The following AP3B1 variants were observed in gnomAD, a reference collection of about 807,000 sequenced individuals.
AP3B1 encodes the protein adaptor related protein complex 3 subunit beta 1, also known as AP-3 complex subunit beta-1.
In AP3B1, 61 loss-of-function variants were observed where a neutral mutation model predicts 132.5. The observed-to-expected ratio is 0.46, with a 90% CI of 0.37 to 0.57. The LOEUF (loss-of-function observed/expected upper bound fraction) is 0.57, where lower values mean the gene tolerates loss of function less well. Among genes scored for constraint, AP3B1 ranks in the 20% least tolerant of loss-of-function variants. AP3B1 has a pLI of 0.00. For missense variants in AP3B1, 1,120 were observed against 1,289.4 expected (o/e 0.87, Z 2.01); for synonymous variants, 388 against 438.3 (o/e 0.89, Z 1.43).
intron 7 of AP3B1, among the ~76,000 whole-genome samples, chr5:78,196,307 T>G (rs1404878748): frequency 1.3e-5 from 2 of 152,156 alleles, no homozygotes; most frequent in African/African-American, 2.4e-5. Flanking sequence ...AATTGCTAAC[T>G]AAAACCAATG....
chr5:78,171,130 A>G (rs1387682460), intron 11 of AP3B1, among the ~76,000 whole-genome samples: 1 of 152,158 alleles, frequency 6.6e-6, no homozygotes, highest in Non-Finnish European at 1.5e-5. Context: ...TGTTTTGGTT[A>G]CTGTAGCCTC....
At chr5:78,084,168 G>T (rs962126248) in intron 22 of AP3B1, among the ~76,000 whole-genome samples, 7 of 152,086 alleles carry the variant, frequency 4.6e-5, no homozygotes, top group African/African-American at 9.7e-5. Context: ...CAAGTGATTT[G>T]CTCAATATCA....
intron 24 of AP3B1, among the ~76,000 whole-genome samples, chr5:78,032,154 T>C (rs778855361): frequency 2.7e-4 from 41 of 152,218 alleles, no homozygotes; most frequent in Admixed American, 1.4e-3. Context: ...GTTCTGTCTA[T>C]ATCTATTTAT....
At chr5:78,083,657 T>C (rs191428518) in intron 22 of AP3B1, among the ~76,000 whole-genome samples, 2 of 152,324 alleles carry the variant, frequency 1.3e-5, no homozygotes, top group Admixed American at 1.3e-4. Flanking sequence ...TGTTGGCCAA[T>C]GGCCAGTCTC....
At chr5:78,180,936 A>G (rs115002409) in intron 8 of AP3B1, among the ~76,000 whole-genome samples, 1 of 152,090 alleles carries the variant, frequency 6.6e-6, no homozygotes, top group Non-Finnish European at 1.5e-5. Context: ...AAGGTGTCGA[A>G]CAAACAAAAA....
chr5:78,166,508 T>C (rs1743635690), intron 11 of AP3B1, among the ~76,000 whole-genome samples: 1 of 152,126 alleles, frequency 6.6e-6, no homozygotes. Flanking sequence ...ACATTTTAAT[T>C]CTCTCTTCTG....
intron 2 of AP3B1, among the ~76,000 whole-genome samples, chr5:78,257,616 A>G (rs1387545898): frequency 6.6e-6 from 1 of 152,244 alleles, no homozygotes; most frequent in Non-Finnish European, 1.5e-5. Context: ...TACAGATTCA[A>G]TGCAATGCCT....
chr5:78,007,723 GT>G (rs1746456473), intron 26 of AP3B1, among the ~76,000 whole-genome samples: 1 of 152,134 alleles, frequency 6.6e-6, no homozygotes, highest in Non-Finnish European at 1.5e-5. Flanking sequence ...AGTTATTATA[GT>G]AGAACATTTT....
Position 78,166,981 on chromosome 5 carries a change from C to T in AP3B1, c.1168-1309G>A, listed in dbSNP as rs188733897. Among the ~76,000 whole-genome samples the T allele has an allele frequency of 8.5e-5, 13 of 152,226 alleles. No homozygotes were observed. The East Asian group carries it at 2.5e-3, about 29-fold the overall frequency. On this transcript the variant is annotated intron_variant, in intron 11 of 26. Coordinates refer to ENST00000255194, the MANE Select transcript of AP3B1 (RefSeq NM_003664.5). The stretch of plus-strand genomic sequence containing the variant: ...AACCCAATAACAAATGCAACAAAAA[C>T]AAAGATAAATAGATGGGACTTAATT...
At chr5:78,110,968 G>C (rs1164669528) in intron 19 of AP3B1, among the ~76,000 whole-genome samples, 1 of 151,930 alleles carries the variant, frequency 6.6e-6, no homozygotes, top group Admixed American at 6.6e-5. Context: ...AGGTTGCCTA[G>C]GCTGGTCTGG....
At chr5:78,081,228 C>A (rs1439154968) in intron 22 of AP3B1, among the ~76,000 whole-genome samples, 2 of 151,456 alleles carry the variant, frequency 1.3e-5, no homozygotes, top group African/African-American at 2.4e-5. Context: ...CAGAATACGA[C>A]ACAAGGAAGA....
intron 22 of AP3B1, chr5:78,044,108 CT>C: frequency 3.2e-6 from 1 of 314,100 alleles, no homozygotes. Context: ...TTTCCAGCTC[CT>C]CCGCTCCACG....
chr5:78,250,048 A>C (rs1396600631), intron 2 of AP3B1, among the ~76,000 whole-genome samples: 3 of 152,312 alleles, frequency 2.0e-5, no homozygotes, highest in African/African-American at 7.2e-5. Flanking sequence ...ATAAGATAAC[A>C]TTTTAGGAAA....
chr5:78,162,350 TTGAATATA>T (rs1743421442), intron 13 of AP3B1, among the ~76,000 whole-genome samples: 2 of 152,142 alleles, frequency 1.3e-5, no homozygotes, highest in Non-Finnish European at 1.5e-5. Flanking sequence ...CTAGTTAATT[TTGAATATA>T]ATTAGGTGAA....
In AP3B1 at chr5:78,240,848, G is replaced by A; in HGVS notation, c.279+14C>T. 6.3e-7 allele frequency: 1 copy of A among 1,577,912 alleles called. No homozygotes were observed. Among genetic ancestry groups the A allele is most frequent in the Non-Finnish European group, 8.7e-7 (1 of 1,147,326 alleles). On this transcript the variant is annotated intron_variant, in intron 3 of 26. Coordinates refer to ENST00000255194, the MANE Select transcript of AP3B1 (RefSeq NM_003664.5). ...AACAAAAGGAATCATAAAAATTATA[G>A]ATCAAAACAGTACCTCAATATTTTT...
chr5:78,190,359 T>C (rs1744778074), intron 7 of AP3B1, among the ~76,000 whole-genome samples: 1 of 152,102 alleles, frequency 6.6e-6, no homozygotes, highest in Non-Finnish European at 1.5e-5. Flanking sequence ...TTCTCTAAGT[T>C]GGAACCAAGC....
intron 21 of AP3B1, among the ~76,000 whole-genome samples, chr5:78,096,352 G>C (rs1580340072): frequency 1.3e-5 from 2 of 152,234 alleles, no homozygotes; most frequent in East Asian, 3.9e-4. Context: ...GCATGATCTT[G>C]GCTCGCTACA....
At chr5:78,122,959 A>T (rs1347621426) in intron 17 of AP3B1, among the ~76,000 whole-genome samples, 1 of 152,264 alleles carries the variant, frequency 6.6e-6, no homozygotes, top group Non-Finnish European at 1.5e-5. Flanking sequence ...CTACAAGTCT[A>T]CAGTAACCAA....
At chr5:78,092,567 C>A (rs945661266) in intron 21 of AP3B1, among the ~76,000 whole-genome samples, 1 of 152,118 alleles carries the variant, frequency 6.6e-6, no homozygotes, top group Non-Finnish European at 1.5e-5. Context: ...TTTTAAAATA[C>A]AAAATCTAGC....
Sources: gnomAD v4.1 joint callset for allele counts (sites outside exome capture counted in the v4.1 genomes callset) on GRCh38, gnomAD v4.1.1 for gene constraint, MANE v1.5 for transcripts, NCBI Gene and HGNC (gene_info 2026-07-23, HGNC 2026-07-21) for gene names.